The following ABCA4 variants were observed in gnomAD, a reference collection of about 807,000 sequenced individuals.
ABCA4 encodes retinal-specific phospholipid-transporting ATPase ABCA4.
In ABCA4, 196 loss-of-function variants were observed where a neutral mutation model predicts 263.7. That is an observed-to-expected ratio of 0.74 (90% CI 0.66 to 0.84). The LOEUF (loss-of-function observed/expected upper bound fraction) is 0.84. ABCA4 is among the 40% of genes least tolerant of loss of function. The pLI, the probability that ABCA4 is intolerant of heterozygous loss-of-function variation, is 0.00. For synonymous variants in ABCA4, 1,133 were observed against 1,094.2 expected (o/e 1.04, Z -0.70); for missense variants, 2,792 against 2,855.1 (o/e 0.98, Z 0.50).
Position 94,080,507 on chromosome 1 carries a change from T to A in ABCA4, c.1070A>T (p.Asp357Val). Residue 357 changes from aspartate (D) to valine (V), a missense_variant, in exon 8 of 50, where the codon GAT (aspartate) becomes GTT (valine). Physicochemically the swap from Asp to Val is radical, Grantham distance 152. Coordinates refer to ENST00000370225, the MANE Select transcript of ABCA4 (RefSeq NM_000350.3). Reference protein sequence around the residue: ...AFLGIDSTRKDPIYSYDRRTT... With the variant: ...AFLGIDSTRKVPIYSYDRRTT... ...TCTTCTGTCATAAGAATAGATAGGA[T>A]CCTTCCTTGTGGAGTCAATCCCCAG... The A allele has an allele frequency of 1.9e-6, 3 of 1,614,210 alleles. No individual in the cohort carries two copies. The highest frequency in any genetic ancestry group is 1.7e-6 in the Non-Finnish European group (2 of 1,180,032).
chr1:94,063,594 T>C (rs1161048289), intron 11 of ABCA4, among the ~76,000 whole-genome samples: 1 of 152,174 alleles, frequency 6.6e-6, no homozygotes, highest in Non-Finnish European at 1.5e-5. Flanking sequence ...GCTGTCCAAA[T>C]ATGCAAGTCT....
chr1:94,030,858 G>T, intron 28 of ABCA4, 138 bp downstream of exon 28: 1 of 1,323,072 alleles, frequency 7.6e-7, no homozygotes, highest in Non-Finnish European at 1.1e-6. Context: ...GTTCCTTTCT[G>T]CAGGCAGCCC....
intron 44 of ABCA4, 84 bp from the exon 45 acceptor site, chr1:94,002,076 T>A (rs1211534126): frequency 2.5e-6 from 4 of 1,596,410 alleles, no homozygotes; most frequent in Non-Finnish European, 3.4e-6. Context: ...GGCTCCCAGA[T>A]CTCACGCCTC....
At chr1:94,061,090 G>A (rs1284133729) in intron 13 of ABCA4, among the ~76,000 whole-genome samples, 1 of 152,200 alleles carries the variant, frequency 6.6e-6, no homozygotes, top group Non-Finnish European at 1.5e-5. Context: ...ACTTGATGAT[G>A]TGGATGGGAT....
At position 94,043,428 on chromosome 1, in the gene ABCA4, T is replaced by C; in HGVS notation, c.3098A>G (p.Lys1033Arg). The change falls in exon 21 of 50, where the codon AAG (lysine) becomes AGG (arginine). Residue 1033 changes from lysine to arginine, a missense_variant. Coordinates refer to ENST00000370225, the MANE Select transcript of ABCA4 (RefSeq NM_000350.3). ...HMLFYAQLKG[K>R]SQEEAQLEME... ...CTCCAGCTGGGCCTCCTCCTGGGAC[T>C]TTCCTTTCAGCTGGGCATAGAACAG... 6.2e-7 allele frequency: 1 copy of C among 1,614,172 alleles called. No homozygotes were observed. The highest frequency in any genetic ancestry group is 1.1e-5 in the South Asian group (1 of 91,082).
chr1:94,017,864 T>C (rs1249386504), intron 36 of ABCA4, among the ~76,000 whole-genome samples: 3 of 152,220 alleles, frequency 2.0e-5, no homozygotes, highest in Non-Finnish European at 4.4e-5. Context: ...AATTTTAAAG[T>C]AAAGAAAAAT....
At chr1:93,993,639 G>A (rs530877824) in intron 49 of ABCA4, among the ~76,000 whole-genome samples, 1 of 152,206 alleles carries the variant, frequency 6.6e-6, no homozygotes, top group Non-Finnish European at 1.5e-5. Flanking sequence ...CTGAGGTATA[G>A]AATTCCCTTG....
At chr1:94,005,178 G>T (rs962860620) in intron 44 of ABCA4, among the ~76,000 whole-genome samples, 3 of 152,162 alleles carry the variant, frequency 2.0e-5, no homozygotes, top group Admixed American at 6.5e-5. Context: ...ACTCTTAGAC[G>T]TGTGATTGCT....
intron 19 of ABCA4, chr1:94,046,030 T>C: frequency 2.3e-6 from 1 of 444,198 alleles, no homozygotes; most frequent in Non-Finnish European, 4.5e-6. Flanking sequence ...AGGCGGTTAC[T>C]CCACAAGCCC....
intron 41 of ABCA4, 84 bp downstream of exon 41, chr1:94,008,667 C>T: frequency 6.3e-7 from 1 of 1,592,792 alleles, no homozygotes; most frequent in Non-Finnish European, 8.6e-7. Context: ...ATAAGCATAT[C>T]AATTGTTCTA....
chr1:94,116,281 C>T lies in ABCA4; in HGVS notation c.67-3215G>A, dbSNP rs148739140. ...GCTGTTTTTTTTTGCCTATAGTCCC[C>T]GCCCCTCAAATCATCACCCCTGTTG... On this transcript the variant is annotated intron_variant, in intron 1 of 49. Coordinates refer to ENST00000370225, the MANE Select transcript of ABCA4 (RefSeq NM_000350.3). Among the ~76,000 whole-genome samples, 661 of 152,062 alleles carry T rather than the reference C, an allele frequency of 4.3e-3. 5 individuals carry two copies. The highest frequency in any genetic ancestry group is 0.015 in the African/African-American group (637 of 41,460).
intron 4 of ABCA4, among the ~76,000 whole-genome samples, chr1:94,104,728 G>A (rs1217242733): frequency 3.9e-5 from 6 of 152,210 alleles, no homozygotes; most frequent in African/African-American, 7.2e-5. Flanking sequence ...GGACTTTGGG[G>A]AAAGCTGGAC....
intron 22 of ABCA4, among the ~76,000 whole-genome samples, chr1:94,041,972 A>G (rs982139615): frequency 1.3e-5 from 2 of 151,786 alleles, no homozygotes; most frequent in African/African-American, 2.4e-5. Context: ...GGTGGCGGGC[A>G]CCTGTAGTCC....
intron 5 of ABCA4, among the ~76,000 whole-genome samples, chr1:94,101,661 G>T (rs535324213): frequency 6.6e-6 from 1 of 152,206 alleles, no homozygotes; most frequent in African/African-American, 2.4e-5. Flanking sequence ...TTTATGTCTC[G>T]TTCTCTCCTG....
chr1:94,028,906 CAAAAAA>C (rs34738807), intron 30 of ABCA4, among the ~76,000 whole-genome samples: 3 of 37,654 alleles, frequency 8.0e-5, no homozygotes, highest in Non-Finnish European at 1.3e-4. Flanking sequence ...GACTCTGTCT[CAAAAAA>C]AAAAAAAAAA....
At chr1:94,066,150 T>C (rs534513663) in intron 11 of ABCA4, among the ~76,000 whole-genome samples, 7 of 152,352 alleles carry the variant, frequency 4.6e-5, no homozygotes, top group South Asian at 2.1e-4. Context: ...GCATCTAATA[T>C]GTAGACTGTT....
At chr1:94,003,995 A>C (rs1002788154) in intron 44 of ABCA4, among the ~76,000 whole-genome samples, 1 of 151,948 alleles carries the variant, frequency 6.6e-6, no homozygotes, top group Non-Finnish European at 1.5e-5. Flanking sequence ...TTCCAGGTTC[A>C]TTTTATACCT....
intron 11 of ABCA4, among the ~76,000 whole-genome samples, chr1:94,077,201 G>A (rs548494940): frequency 3.3e-5 from 5 of 152,286 alleles, no homozygotes; most frequent in South Asian, 2.1e-4. Flanking sequence ...TTGAGAATTC[G>A]GGCAAATGCT....
At chr1:94,022,479 C>T (rs1350954762) in intron 32 of ABCA4, among the ~76,000 whole-genome samples, 1 of 152,212 alleles carries the variant, frequency 6.6e-6, no homozygotes, top group Non-Finnish European at 1.5e-5. Context: ...GTCATCCCTA[C>T]CTCTCGGGGC....
Sources: gnomAD v4.1 joint callset for allele counts (sites outside exome capture counted in the v4.1 genomes callset) on GRCh38, gnomAD v4.1.1 for gene constraint, MANE v1.5 for transcripts, NCBI Gene and HGNC (gene_info 2026-07-23, HGNC 2026-07-21) for gene names.